The following NSG2 variants were observed in gnomAD, a reference collection of about 807,000 sequenced individuals.
NSG2 encodes the protein neuronal vesicle trafficking associated 2.
In NSG2, 4 loss-of-function variants were observed where a neutral mutation model predicts 16.9. The ratio of observed to expected loss-of-function variants is 0.24; its 90% CI spans 0.12 to 0.54. The LOEUF (loss-of-function observed/expected upper bound fraction) is 0.54. Ranked by LOEUF, NSG2 falls within the 20% of genes least tolerant of loss-of-function variation. The probability of loss-of-function intolerance (pLI) is 0.95; values close to 1 mark genes in which losing one functional copy is unlikely to be tolerated. For missense variants in NSG2, 179 were observed against 221.1 expected (o/e 0.81, Z 1.21); for synonymous variants, 98 against 88.7 (o/e 1.11, Z -0.59).
intron 3 of NSG2, among the ~76,000 whole-genome samples, chr5:174,083,654 G>A (rs576436778): frequency 6.6e-6 from 1 of 152,294 alleles, no homozygotes; most frequent in African/African-American, 2.4e-5. Flanking sequence ...GTCATAATGA[G>A]CTGGTTGGGC....
At chr5:174,055,427 A>G (rs1759953376) in intron 2 of NSG2, among the ~76,000 whole-genome samples, 1 of 136,750 alleles carries the variant, frequency 7.3e-6, no homozygotes, top group African/African-American at 3.3e-5. Context: ...CCCCATCTCT[A>G]CTAAAAAAAA....
chr5:174,066,552 G>A (rs1291139996), intron 3 of NSG2, among the ~76,000 whole-genome samples: 2 of 152,062 alleles, frequency 1.3e-5, no homozygotes, highest in East Asian at 1.9e-4. Context: ...TTCCCTCAGA[G>A]AGTAGTTTTC....
chr5:174,099,565 C>T (rs1377742087), intron 3 of NSG2, among the ~76,000 whole-genome samples: 1 of 152,164 alleles, frequency 6.6e-6, no homozygotes. Context: ...CACTGGCTCC[C>T]TGTTGTCCTT....
At chr5:174,100,904 C>T (rs1450815098) in intron 3 of NSG2, among the ~76,000 whole-genome samples, 3 of 152,222 alleles carry the variant, frequency 2.0e-5, no homozygotes, top group Non-Finnish European at 4.4e-5. Flanking sequence ...GGAGGTCTTG[C>T]CCAGCTCCTG....
chr5:174,069,228 T>C (rs1294263621), intron 3 of NSG2, among the ~76,000 whole-genome samples: 1 of 152,052 alleles, frequency 6.6e-6, no homozygotes, highest in Non-Finnish European at 1.5e-5. Context: ...AGGAGAGTGC[T>C]GGTGCTCTAA....
At chr5:174,066,797 C>T (rs903659561) in intron 3 of NSG2, among the ~76,000 whole-genome samples, 7 of 151,330 alleles carry the variant, frequency 4.6e-5, no homozygotes, top group Non-Finnish European at 5.9e-5. Context: ...GAGACCGTCC[C>T]GGCTAAAACG....
In NSG2 at chr5:174,108,695, C is replaced by T. The variant is rs972602539; in HGVS notation, c.*1190C>T. 1 of 152,396 alleles carries T rather than the reference C, an allele frequency of 6.6e-6. No individual in the cohort carries two copies. Among genetic ancestry groups the T allele is most frequent in the Non-Finnish European group, 1.5e-5 (1 of 68,060 alleles). The allele number at this position is 152,396 out of a possible 1,614,324, so 9.4% of individuals were successfully genotyped here. ...CAGCCTTGACCAGGCCTCCCAGTTC[C>T]CTGGAACCGTATCAGGCATTCGCCT... On this transcript the variant is annotated 3_prime_UTR_variant, in exon 5 of 5. Coordinates refer to ENST00000303177, the MANE Select transcript of NSG2 (RefSeq NM_015980.5).
chr5:174,067,464 C>T (rs1264918005), intron 3 of NSG2, among the ~76,000 whole-genome samples: 1 of 152,144 alleles, frequency 6.6e-6, no homozygotes, highest in African/African-American at 2.4e-5. Context: ...CACCCCCGCG[C>T]AGTTTGACTC....
chr5:174,095,774 A>C (rs1247891332), intron 3 of NSG2, among the ~76,000 whole-genome samples: 1 of 152,212 alleles, frequency 6.6e-6, no homozygotes. Flanking sequence ...ATGTTGTTAC[A>C]ATTCCCCTTT....
At chr5:174,102,579 G>C (rs369452865) in intron 3 of NSG2, among the ~76,000 whole-genome samples, 1 of 149,526 alleles carries the variant, frequency 6.7e-6, no homozygotes, top group African/African-American at 2.5e-5. Context: ...GCCTAGAGGT[G>C]CCTCTGAAGT....
intron 2 of NSG2, among the ~76,000 whole-genome samples, chr5:174,050,486 C>T (rs1759870115): frequency 6.6e-6 from 1 of 152,130 alleles, no homozygotes; most frequent in Non-Finnish European, 1.5e-5. Context: ...CCATTTCACT[C>T]ATGAGGAAAC....
rs373238637 is a variant in NSG2 at position 174,058,890 on chromosome 5, C to T, written c.130-5342C>T. 2.6e-4 allele frequency among the ~76,000 whole-genome samples: 39 copies of T among 152,334 alleles called. 1 individual carries two copies. The highest frequency in any genetic ancestry group is 9.1e-4 in the African/African-American group (38 of 41,580). On this transcript the variant is annotated intron_variant, in intron 2 of 4. Coordinates refer to ENST00000303177, the MANE Select transcript of NSG2 (RefSeq NM_015980.5). ...CTTAGCTAAAGAAAACAGCAGATGA[C>T]TGAGGACCCACATGGTATCAGGCAC...
intron 3 of NSG2, among the ~76,000 whole-genome samples, chr5:174,089,634 C>T (rs1024636936): frequency 1.3e-5 from 2 of 152,108 alleles, no homozygotes; most frequent in African/African-American, 4.8e-5. Flanking sequence ...TTGTTGTTTG[C>T]ATGTTTGAGA....
At chr5:174,104,362 A>T (rs760874182) in intron 4 of NSG2, 24 bp downstream of exon 4, 9 of 1,510,378 alleles carry the variant, frequency 6.0e-6, no homozygotes, top group Non-Finnish European at 8.3e-6. Context: ...GAGTAGTCCC[A>T]GGTCACTATC....
At chr5:174,101,944 C>T (rs914140501) in intron 3 of NSG2, among the ~76,000 whole-genome samples, 1 of 152,124 alleles carries the variant, frequency 6.6e-6, no homozygotes, top group Non-Finnish European at 1.5e-5. Flanking sequence ...TCAGCTCCAC[C>T]TCTTGCCTGT....
intron 2 of NSG2, among the ~76,000 whole-genome samples, chr5:174,058,711 T>G (rs1760003515): frequency 6.6e-6 from 1 of 151,712 alleles, no homozygotes; most frequent in Non-Finnish European, 1.5e-5. Context: ...GACTGAGAGG[T>G]CAAAGAAGAT....
chr5:174,081,219 G>A (rs1163248315), intron 3 of NSG2, among the ~76,000 whole-genome samples: 4 of 151,796 alleles, frequency 2.6e-5, no homozygotes, highest in Non-Finnish European at 4.4e-5. Flanking sequence ...CTCTTTTTCT[G>A]ATATTTAGTT....
chr5:174,080,860 G>A (rs1760449139), intron 3 of NSG2, among the ~76,000 whole-genome samples: 1 of 152,128 alleles, frequency 6.6e-6, no homozygotes, highest in Non-Finnish European at 1.5e-5. Context: ...ACCACGCCTG[G>A]CGTAAAATAT....
intron 3 of NSG2, among the ~76,000 whole-genome samples, chr5:174,096,287 G>C (rs949930932): frequency 6.6e-6 from 1 of 152,196 alleles, no homozygotes; most frequent in African/African-American, 2.4e-5. Context: ...ATCAGACAGC[G>C]TAGCGGCTCA....
Sources: gnomAD v4.1 joint callset for allele counts (sites outside exome capture counted in the v4.1 genomes callset) on GRCh38, gnomAD v4.1.1 for gene constraint, MANE v1.5 for transcripts, NCBI Gene and HGNC (gene_info 2026-07-23, HGNC 2026-07-21) for gene names.